The following ZNF395 variants were observed in gnomAD, a reference collection of about 807,000 sequenced individuals.
ZNF395 encodes the protein HD gene regulatory region-binding protein 2.
A neutral mutation model predicts 57.7 loss-of-function variants in ZNF395; 20 were observed. That is an observed-to-expected ratio of 0.35 (90% CI 0.24 to 0.50). ZNF395 has a LOEUF of 0.50. ZNF395 is among the 20% of genes least tolerant of loss of function. The pLI is 0.97. For missense variants in ZNF395, 606 were observed against 671.2 expected (o/e 0.90, Z 1.07); for synonymous variants, 295 against 275.9 (o/e 1.07, Z -0.69).
chr8:28,382,263 A>AT (rs748586577), intron 1 of ZNF395, among the ~76,000 whole-genome samples: 2 of 151,866 alleles, frequency 1.3e-5, no homozygotes, highest in South Asian at 2.1e-4. Flanking sequence ...ATTTTTCTGT[A>AT]TTTTTTCCCC....
At chr8:28,350,743 T>C (rs943097489) in intron 7 of ZNF395, among the ~76,000 whole-genome samples, 3 of 152,198 alleles carry the variant, frequency 2.0e-5, no homozygotes, top group African/African-American at 7.2e-5. Flanking sequence ...CTGAAAGCAA[T>C]ACCTTTTAAT....
chr8:28,371,372 G>A lies in ZNF395; in HGVS notation c.-58-10190C>T, dbSNP rs1419340412. On this transcript the variant is annotated intron_variant, in intron 1 of 9. Transcript: ENST00000344423. Reference sequence around the variant, plus strand: ...ATTTTTGTATTTTTTGTAGAGACAGGATTTCACCATGTTGCCAAGGCTTTT... The same window carrying A: ...ATTTTTGTATTTTTTGTAGAGACAGAATTTCACCATGTTGCCAAGGCTTTT... Among the ~76,000 whole-genome samples the A allele has an allele frequency of 2.6e-5, 4 of 152,124 alleles. No individual in the cohort carries two copies. In the East Asian group the frequency reaches 7.7e-4, roughly 29 times the overall value.
intron 4 of ZNF395, among the ~76,000 whole-genome samples, chr8:28,353,854 A>AC (rs1322614252): frequency 6.6e-6 from 1 of 152,124 alleles, no homozygotes; most frequent in Non-Finnish European, 1.5e-5. Flanking sequence ...GAACAGGCAC[A>AC]CCCAGAGTGT....
At chr8:28,379,402 T>C (rs1323202478) in intron 1 of ZNF395, among the ~76,000 whole-genome samples, 3 of 152,164 alleles carry the variant, frequency 2.0e-5, no homozygotes, top group Non-Finnish European at 4.4e-5. Context: ...CAGTGGCCCA[T>C]GTGCGTAGAC....
At chr8:28,374,891 C>G (rs1802022184) in intron 1 of ZNF395, among the ~76,000 whole-genome samples, 1 of 152,188 alleles carries the variant, frequency 6.6e-6, no homozygotes, top group Non-Finnish European at 1.5e-5. Context: ...GGTTTTGACT[C>G]TTTCAGATGG....
At chr8:28,368,945 C>A (rs942987163) in intron 1 of ZNF395, among the ~76,000 whole-genome samples, 1 of 152,064 alleles carries the variant, frequency 6.6e-6, no homozygotes, top group Non-Finnish European at 1.5e-5. Flanking sequence ...AAGCAATTCT[C>A]CTGCCTCAGC....
intron 1 of ZNF395, among the ~76,000 whole-genome samples, chr8:28,373,968 T>G (rs529151245): frequency 6.6e-6 from 1 of 152,304 alleles, no homozygotes; most frequent in African/African-American, 2.4e-5. Context: ...GCAGTTCCAC[T>G]TTCTCAGTAC....
intron 1 of ZNF395, among the ~76,000 whole-genome samples, chr8:28,379,243 A>G (rs714120): frequency 0.19 from 29,212 of 152,140 alleles, 4,830 homozygotes; most frequent in African/African-American, 0.44. Context: ...TCTTGCTCAT[A>G]TCCCTATTAA....
rs368497423 is a variant in ZNF395, at chr8:28,353,188, A to T, written c.804T>A (p.Ala268=). The T allele has an allele frequency of 7.6e-5, 123 of 1,613,194 alleles. No homozygotes were observed. The highest frequency in any genetic ancestry group is 1.0e-4 in the Non-Finnish European group (118 of 1,179,900). The stretch of plus-strand genomic sequence containing the variant: ...AATCACGTACCTTTCTTTTTCGTGG[A>T]GCTGGTTCGTCCAGCAGGAAAGGGT... ...DPDPFLLDEP[A]PRKRKNSVKV... The change falls in exon 5 of 10, where the codon GCT becomes GCA. Residue 268 remains alanine, a synonymous_variant. Coordinates refer to ENST00000344423, the MANE Select transcript of ZNF395 (RefSeq NM_018660.3).
rs1433458127 is a variant in ZNF395 at position 28,352,393 on chromosome 8, C to T, written c.920+180G>A. ...CCCAAGATGGACAGAGCTCCCTTCCCATCAACAGCAACAATGTTCACCAGG... is the reference window on the plus strand; with the variant it reads ...CCCAAGATGGACAGAGCTCCCTTCCTATCAACAGCAACAATGTTCACCAGG... On this transcript the variant is annotated intron_variant, in intron 6 of 9. Coordinates refer to ENST00000344423, the MANE Select transcript of ZNF395 (RefSeq NM_018660.3). This position sits in a 1 kb window ranked among gnomAD's most constrained non-coding sequence, Gnocchi z 4.0. 6.6e-6 allele frequency among the ~76,000 whole-genome samples: 1 copy of T among 152,212 alleles called. No homozygotes were observed. Among genetic ancestry groups the T allele is most frequent in the East Asian group, 1.9e-4 (1 of 5,204 alleles).
chr8:28,351,597 G>T lies in ZNF395; in HGVS notation c.1131C>A (p.Ser377=), dbSNP rs748044751. The change falls in exon 7 of 10, where the codon TCC becomes TCA. Residue 377 remains serine, a synonymous_variant. Coordinates refer to ENST00000344423, the MANE Select transcript of ZNF395 (RefSeq NM_018660.3). ...LPPPLHKAQS[S]GPEHPGPESS... ...ACTCCGGGCCAGGATGTTCTGGGCCGGAGGACTGGGCTTTGTGCAGAGGTG... is the reference window on the plus strand; with the variant it reads ...ACTCCGGGCCAGGATGTTCTGGGCCTGAGGACTGGGCTTTGTGCAGAGGTG... 10 of 1,613,738 alleles carry T rather than the reference G, an allele frequency of 6.2e-6. No homozygotes were observed. In the East Asian group the frequency reaches 2.0e-4, roughly 32 times the overall value.
chr8:28,352,747 C>A lies in ZNF395; in HGVS notation c.820-74G>T. 7.6e-7 allele frequency: 1 copy of A among 1,322,586 alleles called. No individual in the cohort carries two copies. The highest frequency in any genetic ancestry group is 1.1e-6 in the Non-Finnish European group (1 of 924,734). The allele number at this position is 1,322,586 out of a possible 1,614,324, so 81.9% of individuals were successfully genotyped here. A position where few individuals can be genotyped will look rare whatever the true frequency, so the allele number is the denominator to read the frequency against. ...CTCGCTCAACCTTACCCAGTGGGGA[C>A]TCAAACTGGCTGCTGTCCCCGGCCT... On this transcript the variant is annotated intron_variant, in intron 5 of 9. Coordinates refer to ENST00000344423, the MANE Select transcript of ZNF395 (RefSeq NM_018660.3). This position sits in a 1 kb window ranked among gnomAD's most constrained non-coding sequence, Gnocchi z 4.0.
chr8:28,376,629 A>G (rs1802044033), intron 1 of ZNF395, among the ~76,000 whole-genome samples: 1 of 152,108 alleles, frequency 6.6e-6, no homozygotes, highest in African/African-American at 2.4e-5. Context: ...TCAAAACAAA[A>G]AAAAAAGGCA....
chr8:28,364,379 A>G (rs1801884991), intron 1 of ZNF395, among the ~76,000 whole-genome samples: 1 of 152,160 alleles, frequency 6.6e-6, no homozygotes, highest in African/African-American at 2.4e-5. Context: ...GGACAGGTGC[A>G]GTGGCTCACG....
chr8:28,352,667 C>CA lies in ZNF395; in HGVS notation c.825dup (p.Val276CysfsTer38). 6.2e-7 allele frequency: 1 copy of CA among 1,613,836 alleles called. No individual in the cohort carries two copies. On this transcript the variant is annotated frameshift_variant, in exon 6 of 10. Transcript: ENST00000344423. LOFTEE classifies it high-confidence loss of function. This position sits in a 1 kb window ranked among gnomAD's most constrained non-coding sequence, Gnocchi z 4.0. ...CACAGGCACTTGTACATCACCTTCACAGAGTTCTACAGGAAAGGAAGACAG... is the reference window on the plus strand; with the variant it reads ...CACAGGCACTTGTACATCACCTTCACAAGAGTTCTACAGGAAAGGAAGACAG...
rs5890411 is a variant in ZNF395, at chr8:28,366,814, TAA to T, written c.-58-5634_-58-5633del. On this transcript the variant is annotated intron_variant, in intron 1 of 9. Coordinates refer to ENST00000344423, the MANE Select transcript of ZNF395 (RefSeq NM_018660.3). Reference sequence around the variant, plus strand: ...TGGTATGTCTTCCCCAAAGAAAGTTTAAAAAAAAAAAAAAAAAAGACACTTCG... The same window carrying T: ...TGGTATGTCTTCCCCAAAGAAAGTTTAAAAAAAAAAAAAAAAGACACTTCG... Among the ~76,000 whole-genome samples the T allele has an allele frequency of 3.2e-3, 425 of 133,782 alleles. 2 individuals are homozygous for T. Among genetic ancestry groups the T allele is most frequent in the African/African-American group, 9.6e-3 (355 of 37,068 alleles). 87.8% of individuals were successfully genotyped at this position (133,782 alleles called of 152,430 possible).
Position 28,347,128 on chromosome 8 carries a change from T to C in ZNF395, c.*1591A>G, listed in dbSNP as rs1801613805. On this transcript the variant is annotated 3_prime_UTR_variant, in exon 10 of 10. Transcript: ENST00000344423. ...CTGCATTAAAAAGCACGTGTCTATT[T>C]CCTACGTGAAGGGGCCAAGGGAGCC... is the stretch of plus-strand genomic sequence containing the variant. 1 of 152,188 alleles carries C rather than the reference T, an allele frequency of 6.6e-6. No homozygotes were observed. The highest frequency in any genetic ancestry group is 1.5e-5 in the Non-Finnish European group (1 of 68,046). The allele number at this position is 152,188 out of a possible 1,614,324, so 9.4% of individuals were successfully genotyped here.
rs200036641 is a variant in ZNF395, at chr8:28,361,050, C to T, written c.75G>A (p.Ser25=). ...AGGGTGGGGCAGCCGAGGGCCCCTC[C>T]GAGGCACTGGGTCCCAACACCCGGG... ...LGARVLGPSA[S]EGPSAAPPSE... Residue 25 remains serine (S), a synonymous_variant, in exon 2 of 10, where the codon TCG becomes TCA. Transcript: ENST00000344423. 47 of 1,611,584 alleles carry T rather than the reference C, an allele frequency of 2.9e-5. No homozygotes were observed. In the African/African-American group the frequency reaches 4.8e-4, roughly 16 times the overall value.
In ZNF395 at chr8:28,359,187, G is replaced by A. The variant is rs983367880; in HGVS notation, c.473+405C>T. 6.6e-5 allele frequency among the ~76,000 whole-genome samples: 10 copies of A among 152,072 alleles called. No individual in the cohort carries two copies. The highest frequency in any genetic ancestry group is 1.7e-4 in the African/African-American group (7 of 41,410). On this transcript the variant is annotated intron_variant, in intron 3 of 9. Coordinates refer to ENST00000344423, the MANE Select transcript of ZNF395 (RefSeq NM_018660.3). The surrounding 1 kb of genome is among the most constrained non-coding windows in gnomAD (Gnocchi z 4.7). ...CAAGGCAGGTGGATCACCAGAGGTC[G>A]GGAGTTTGAGACCAGCCTGACCAAT...
Sources: allele counts gnomAD v4.1 joint callset (sites outside exome capture counted in the v4.1 genomes callset), GRCh38; gene constraint gnomAD v4.1.1; non-coding constraint Gnocchi (gnomAD v3.1); transcripts MANE v1.5; gene names NCBI Gene and HGNC (gene_info 2026-07-23, HGNC 2026-07-21).